GRID1: variants seen among roughly 807,000 people sequenced by gnomAD.
The protein encoded by GRID1 is glutamate ionotropic receptor delta type subunit 1, also known as glutamate receptor ionotropic, delta-1.
A neutral mutation model predicts 98.0 loss-of-function variants in GRID1; 28 were observed. The observed-to-expected ratio is 0.29, with a 90% CI of 0.21 to 0.39. The LOEUF is 0.39. Ranked by LOEUF, GRID1 falls within the 10% of genes least tolerant of loss-of-function variation. The pLI, the probability that GRID1 is intolerant of heterozygous loss-of-function variation, is 1.00. For synonymous variants in GRID1, 553 were observed against 538.5 expected, an observed-to-expected ratio of 1.03 and a Z score of -0.37; for missense variants, 1,111 against 1,340.5, an observed-to-expected ratio of 0.83 and a Z score of 2.67.
chr10:86,184,465 T>C (rs896984138), intron 3 of GRID1, among the ~76,000 whole-genome samples: 1 of 149,540 alleles, frequency 6.7e-6, no homozygotes, highest in Admixed American at 6.7e-5. Context: ...TTTTTTCTTT[T>C]TTTTTTTTTT....
chr10:86,250,865 C>T (rs1338837063), intron 2 of GRID1, among the ~76,000 whole-genome samples: 6 of 152,156 alleles, frequency 3.9e-5, no homozygotes, highest in Non-Finnish European at 1.5e-5. Context: ...TCATTGAGAA[C>T]GGGCCATGAT....
intron 4 of GRID1, among the ~76,000 whole-genome samples, chr10:85,953,830 T>G (rs995750193): frequency 6.6e-6 from 1 of 152,192 alleles, no homozygotes; most frequent in African/African-American, 2.4e-5. Flanking sequence ...GGTTTTAATA[T>G]TCATCTTCTT....
intron 8 of GRID1, among the ~76,000 whole-genome samples, chr10:85,851,713 C>T (rs1004555841): frequency 6.6e-6 from 1 of 152,106 alleles, no homozygotes; most frequent in African/African-American, 2.4e-5. Flanking sequence ...TGCCCCTGCC[C>T]AGCATCACAG....
chr10:85,945,391 G>A (rs950253605), intron 4 of GRID1, among the ~76,000 whole-genome samples: 1 of 152,236 alleles, frequency 6.6e-6, no homozygotes, highest in East Asian at 1.9e-4. Context: ...TTGTAATACA[G>A]TAATTCAAAG....
chr10:86,007,783 T>C (rs999023250), intron 4 of GRID1, among the ~76,000 whole-genome samples: 1 of 152,062 alleles, frequency 6.6e-6, no homozygotes, highest in Non-Finnish European at 1.5e-5. Context: ...AGTTTCTAAG[T>C]GAAGTGCCTC....
rs58078110 is a variant in GRID1, at chr10:86,299,197, CT to C, written c.235+64743del. Among the ~76,000 whole-genome samples the C allele has an allele frequency of 4.7e-4, 66 of 141,740 alleles. No individual in the cohort carries two copies. The East Asian group carries it at 7.0e-3, about 15-fold the overall frequency. 93.0% of individuals were successfully genotyped at this position (141,740 alleles called of 152,430 possible). A position where few individuals can be genotyped will look rare whatever the true frequency, so the allele number is the denominator to read the frequency against. On this transcript the variant is annotated intron_variant, in intron 2 of 15. Transcript: ENST00000327946. ...GCTTTCCATGTGGGCAATAAGATTT[CT>C]TTTTTTTTTTTTTGTATAATAAATG...
At chr10:86,281,155 G>A (rs981523214) in intron 2 of GRID1, among the ~76,000 whole-genome samples, 1 of 152,212 alleles carries the variant, frequency 6.6e-6, no homozygotes, top group Admixed American at 6.5e-5. Flanking sequence ...CACAGCAAAA[G>A]AAACCATTGG....
chr10:86,135,749 G>T (rs1180796729), intron 4 of GRID1, among the ~76,000 whole-genome samples: 1 of 151,376 alleles, frequency 6.6e-6, no homozygotes, highest in Non-Finnish European at 1.5e-5. Flanking sequence ...TCGTGAAGCG[G>T]AATCACAGAG....
At chr10:86,264,917 G>A (rs1054447226) in intron 2 of GRID1, 15 of 373,876 alleles carry the variant, frequency 4.0e-5, no homozygotes, top group Admixed American at 3.5e-4. Flanking sequence ...GCTACTCCCC[G>A]GCCCCCAGGA....
intron 8 of GRID1, among the ~76,000 whole-genome samples, chr10:85,775,678 C>T (rs984279920): frequency 2.0e-5 from 3 of 151,842 alleles, no homozygotes; most frequent in East Asian, 1.9e-4. Flanking sequence ...CTATACCCCC[C>T]GAATCTAAAA....
At chr10:86,276,868 A>C (rs904852904) in intron 2 of GRID1, among the ~76,000 whole-genome samples, 1 of 151,886 alleles carries the variant, frequency 6.6e-6, no homozygotes, top group Non-Finnish European at 1.5e-5. Flanking sequence ...AAGTGCTGGA[A>C]AAAAAAAACT....
At chr10:86,157,678 C>A (rs1564692347) in intron 3 of GRID1, among the ~76,000 whole-genome samples, 1 of 152,208 alleles carries the variant, frequency 6.6e-6, no homozygotes, top group African/African-American at 2.4e-5. Flanking sequence ...CTTAGGCCAC[C>A]TCTGTGGGCC....
At chr10:85,751,602 G>A (rs1842046088) in intron 8 of GRID1, among the ~76,000 whole-genome samples, 1 of 152,046 alleles carries the variant, frequency 6.6e-6, no homozygotes, top group Non-Finnish European at 1.5e-5. Flanking sequence ...GCTTTTGAGG[G>A]CCCGTATAGG....
intron 12 of GRID1, among the ~76,000 whole-genome samples, chr10:85,697,284 A>T (rs995459136): frequency 2.5e-5 from 3 of 121,206 alleles, no homozygotes; most frequent in African/African-American, 9.8e-5. Flanking sequence ...TTTACCTCAT[A>T]AACTTTGTTG....
At chr10:85,968,044 T>C (rs1350759547) in intron 4 of GRID1, among the ~76,000 whole-genome samples, 4 of 152,282 alleles carry the variant, frequency 2.6e-5, no homozygotes, top group Non-Finnish European at 4.4e-5. Flanking sequence ...GAAAAGACAA[T>C]AGATAATAAT....
intron 5 of GRID1, among the ~76,000 whole-genome samples, chr10:85,875,752 C>T (rs1288670040): frequency 6.6e-6 from 1 of 152,220 alleles, no homozygotes; most frequent in African/African-American, 2.4e-5. Flanking sequence ...ATTATCCCAA[C>T]TAACACGCTA....
chr10:86,091,452 C>A (rs1844146477), intron 4 of GRID1, among the ~76,000 whole-genome samples: 1 of 152,042 alleles, frequency 6.6e-6, no homozygotes, highest in Non-Finnish European at 1.5e-5. Context: ...GAGAATCTCA[C>A]CCCCATCCCC....
At chr10:85,824,949 T>C (rs755105853) in intron 8 of GRID1, among the ~76,000 whole-genome samples, 1 of 152,212 alleles carries the variant, frequency 6.6e-6, no homozygotes, top group Non-Finnish European at 1.5e-5. Context: ...CACTCATCAG[T>C]TGATGGATAC....
intron 2 of GRID1, among the ~76,000 whole-genome samples, chr10:86,339,217 G>A (rs1848274243): frequency 6.6e-6 from 1 of 152,256 alleles, no homozygotes; most frequent in Non-Finnish European, 1.5e-5. Flanking sequence ...TCTCCTAGGA[G>A]CCTCCCAGGA....
Sources: allele counts gnomAD v4.1 joint callset (sites outside exome capture counted in the v4.1 genomes callset), GRCh38; gene constraint gnomAD v4.1.1; transcripts MANE v1.5; gene names NCBI Gene and HGNC (gene_info 2026-07-23, HGNC 2026-07-21).